Variants in ROCK2 observed in about 807,000 individuals in gnomAD.
ROCK2 encodes the protein Rho associated coiled-coil containing protein kinase 2.
A neutral mutation model predicts 195.1 loss-of-function variants in ROCK2; 61 were observed. That is an observed-to-expected ratio of 0.31 (90% CI 0.25 to 0.39). The LOEUF is 0.39. ROCK2 is among the 10% of genes least tolerant of loss of function. The probability of loss-of-function intolerance (pLI) is 1.00; values close to 1 mark genes in which losing one functional copy is unlikely to be tolerated. For missense variants in ROCK2, 1,109 were observed against 1,637.4 expected (o/e 0.68, Z 5.57); for synonymous variants, 504 against 545.5 (o/e 0.92, Z 1.06).
intron 1 of ROCK2, among the ~76,000 whole-genome samples, chr2:11,336,406 T>C (rs954620188): frequency 2.0e-5 from 3 of 152,112 alleles, no homozygotes; most frequent in Non-Finnish European, 4.4e-5. Context: ...TGTGCCACCA[T>C]GCCTGGCTAA....
chr2:11,195,820 C>T (rs1190803705), intron 27 of ROCK2, among the ~76,000 whole-genome samples: 3 of 152,152 alleles, frequency 2.0e-5, no homozygotes, highest in Non-Finnish European at 2.9e-5. Flanking sequence ...TGACCAATTA[C>T]GTACATTTTA....
Position 11,181,409 on chromosome 2 carries a change from A to AACGT in ROCK2, c.*2027_*2028insACGT, listed in dbSNP as rs2148013028. On this transcript the variant is annotated 3_prime_UTR_variant, in exon 33 of 33. Coordinates refer to ENST00000315872, the MANE Select transcript of ROCK2 (RefSeq NM_004850.5). ...AGCTGCAGAACACACCTGCAAAGGAAACGGCATGCACGTCTAGTCTGAGCA... is the reference window on the plus strand; with the variant it reads ...AGCTGCAGAACACACCTGCAAAGGAAACGTACGGCATGCACGTCTAGTCTGAGCA... 6.6e-6 allele frequency: 1 copy of AACGT among 152,024 alleles called. No individual in the cohort carries two copies. Among genetic ancestry groups the AACGT allele is most frequent in the African/African-American group, 2.4e-5 (1 of 41,506 alleles). 9.4% of individuals were successfully genotyped at this position (152,024 alleles called of 1,614,324 possible).
intron 1 of ROCK2, among the ~76,000 whole-genome samples, chr2:11,310,208 GTTTT>G: frequency 6.6e-6 from 1 of 152,184 alleles, no homozygotes; most frequent in South Asian, 2.1e-4. Flanking sequence ...AGTTTGGTGA[GTTTT>G]TTTAAGGGAA....
chr2:11,240,750 A>G (rs956464002), intron 4 of ROCK2, among the ~76,000 whole-genome samples: 5 of 152,378 alleles, frequency 3.3e-5, no homozygotes, highest in Admixed American at 1.3e-4. Flanking sequence ...CACGCAGGTG[A>G]ATTTTATGCT....
At chr2:11,195,496 A>G (rs1663597559) in intron 27 of ROCK2, among the ~76,000 whole-genome samples, 1 of 152,156 alleles carries the variant, frequency 6.6e-6, no homozygotes, top group South Asian at 2.1e-4. Flanking sequence ...ATAAAATAAA[A>G]TAATGTAAAT....
intron 5 of ROCK2, among the ~76,000 whole-genome samples, chr2:11,233,641 G>A (rs1009920541): frequency 3.3e-5 from 5 of 152,072 alleles, no homozygotes; most frequent in Non-Finnish European, 7.4e-5. Flanking sequence ...AGATACTATG[G>A]AATACTAAGC....
At chr2:11,305,858 T>C (rs988330838) in intron 1 of ROCK2, among the ~76,000 whole-genome samples, 2 of 152,220 alleles carry the variant, frequency 1.3e-5, no homozygotes, top group African/African-American at 4.8e-5. Flanking sequence ...TTACTGTGAA[T>C]TTATAATTAT....
At chr2:11,329,466 CAAA>C (rs11347828) in intron 1 of ROCK2, among the ~76,000 whole-genome samples, 2 of 138,512 alleles carry the variant, frequency 1.4e-5, no homozygotes, top group African/African-American at 2.7e-5. Context: ...ATCCCATCTC[CAAA>C]AAAAAAAAAA....
chr2:11,340,725 T>C (rs1328624114), intron 1 of ROCK2, among the ~76,000 whole-genome samples: 1 of 152,142 alleles, frequency 6.6e-6, no homozygotes, highest in Non-Finnish European at 1.5e-5. Flanking sequence ...TGAGATAATA[T>C]TGTCAGATAG....
chr2:11,336,826 C>T (rs1668943401), intron 1 of ROCK2, among the ~76,000 whole-genome samples: 1 of 152,068 alleles, frequency 6.6e-6, no homozygotes. Flanking sequence ...GTATCCTAGA[C>T]CTAAATGTAA....
intron 17 of ROCK2, 144 bp downstream of exon 17, chr2:11,214,213 A>G (rs1265785980): frequency 1.4e-5 from 8 of 587,790 alleles, no homozygotes; most frequent in South Asian, 2.0e-5. Flanking sequence ...TACATCTCTT[A>G]TCTACACATC....
rs1338534021 is a variant in ROCK2 at position 11,185,237 on chromosome 2, A to AATT, written c.4164-1798_4164-1797insAAT. On this transcript the variant is annotated intron_variant, in intron 32 of 32. Transcript: ENST00000315872. ...AGAAAGCAGCTTTCTGAATTCCAGTAGGACCCTGCCTGCTCAATGTGTCAC... is the reference window on the plus strand; with the variant it reads ...AGAAAGCAGCTTTCTGAATTCCAGTAATTGGACCCTGCCTGCTCAATGTGTCAC... 4.6e-5 allele frequency among the ~76,000 whole-genome samples: 7 copies of AATT among 152,368 alleles called. No individual in the cohort carries two copies. The East Asian group carries it at 1.3e-3, about 29-fold the overall frequency.
intron 19 of ROCK2, 34 bp downstream of exon 19, chr2:11,208,253 T>C: frequency 8.2e-7 from 1 of 1,219,300 alleles, no homozygotes; most frequent in Non-Finnish European, 1.1e-6. Context: ...AATTCATTAG[T>C]TTATTATTAA....
chr2:11,269,662 G>T (rs1379706409), intron 3 of ROCK2, among the ~76,000 whole-genome samples: 2 of 152,198 alleles, frequency 1.3e-5, no homozygotes, highest in Non-Finnish European at 2.9e-5. Flanking sequence ...TTCTGCCGGT[G>T]TGATTGTTGT....
intron 1 of ROCK2, among the ~76,000 whole-genome samples, chr2:11,342,433 G>C (rs1246823994): frequency 6.6e-6 from 1 of 152,168 alleles, no homozygotes; most frequent in Non-Finnish European, 1.5e-5. Context: ...TTACATTCAA[G>C]CTCAGAATAA....
At chr2:11,343,714 G>A (rs1180298789) in intron 1 of ROCK2, among the ~76,000 whole-genome samples, 2 of 152,202 alleles carry the variant, frequency 1.3e-5, no homozygotes, top group Admixed American at 1.3e-4. Context: ...GAGTGGGCAG[G>A]CGGAAGGAGA....
intron 3 of ROCK2, among the ~76,000 whole-genome samples, chr2:11,269,883 T>C (rs556337062): frequency 6.6e-6 from 1 of 152,286 alleles, no homozygotes; most frequent in East Asian, 1.9e-4. Flanking sequence ...CCAGAGTAGC[T>C]GGGACTACAG....
intron 27 of ROCK2, among the ~76,000 whole-genome samples, chr2:11,196,501 A>G (rs951472233): frequency 6.6e-6 from 1 of 152,216 alleles, no homozygotes; most frequent in African/African-American, 2.4e-5. Context: ...TTATAACAGC[A>G]ATGCCATGAG....
intron 1 of ROCK2, among the ~76,000 whole-genome samples, chr2:11,332,185 A>G (rs1053720710): frequency 6.6e-6 from 1 of 152,126 alleles, no homozygotes; most frequent in Non-Finnish European, 1.5e-5. Context: ...AAAAGAGCCT[A>G]CACAGATCAG....
Sources: allele counts gnomAD v4.1 joint callset (sites outside exome capture counted in the v4.1 genomes callset), GRCh38; gene constraint gnomAD v4.1.1; transcripts MANE v1.5; gene names NCBI Gene and HGNC (gene_info 2026-07-23, HGNC 2026-07-21).